Variants in ZEB1 observed in about 807,000 individuals in gnomAD.
ZEB1 encodes zinc finger E-box binding homeobox 1.
ZEB1 carries 21 observed loss-of-function variants against 84.9 expected under a neutral mutation model. That is an observed-to-expected ratio of 0.25 (90% CI 0.18 to 0.36). The LOEUF is 0.36. ZEB1 is among the 10% of genes least tolerant of loss of function. The pLI is 1.00. For missense variants in ZEB1, 1,104 were observed against 1,330.2 expected (o/e 0.83, Z 2.65); for synonymous variants, 420 against 471.1 (o/e 0.89, Z 1.41).
At chr10:31,405,214 T>C (rs1424531346) in intron 1 of ZEB1, among the ~76,000 whole-genome samples, 4 of 152,078 alleles carry the variant, frequency 2.6e-5, no homozygotes, top group African/African-American at 9.7e-5. Context: ...TTGAAAGCAG[T>C]TGTGTGTGTA....
At chr10:31,464,232 A>T (rs528852150) in intron 2 of ZEB1, among the ~76,000 whole-genome samples, 1 of 152,304 alleles carries the variant, frequency 6.6e-6, no homozygotes, top group African/African-American at 2.4e-5. Flanking sequence ...AGGTGCCTGT[A>T]GTCCCAGCTA....
intron 2 of ZEB1, among the ~76,000 whole-genome samples, chr10:31,488,572 C>T (rs2066058689): frequency 6.7e-6 from 1 of 149,214 alleles, no homozygotes; most frequent in African/African-American, 2.5e-5. Flanking sequence ...TTTCTGCTTG[C>T]TTTGGGTTTA....
At chr10:31,400,167 C>T (rs1284318864) in intron 1 of ZEB1, among the ~76,000 whole-genome samples, 2 of 152,092 alleles carry the variant, frequency 1.3e-5, no homozygotes, top group Non-Finnish European at 2.9e-5. Flanking sequence ...TTTTGCCTTC[C>T]TCCACTAGAA....
chr10:31,419,930 T>C (rs557572676), intron 1 of ZEB1, among the ~76,000 whole-genome samples: 14 of 152,132 alleles, frequency 9.2e-5, no homozygotes, highest in Admixed American at 2.0e-4. Context: ...ACCTCCGAAG[T>C]AGTATGTCTG....
chr10:31,491,551 G>A (rs1207922094), intron 2 of ZEB1, among the ~76,000 whole-genome samples: 1 of 151,748 alleles, frequency 6.6e-6, no homozygotes, highest in Non-Finnish European at 1.5e-5. Context: ...TCCAGGCCAG[G>A]GGTACCTTTT....
intron 8 of ZEB1, among the ~76,000 whole-genome samples, chr10:31,526,436 A>G (rs933666803): frequency 2.0e-5 from 3 of 152,182 alleles, no homozygotes; most frequent in Non-Finnish European, 2.9e-5. Context: ...TTTCAATGTC[A>G]TGTAGCTCCC....
At chr10:31,339,036 AG>A (rs2038832041) in intron 1 of ZEB1, among the ~76,000 whole-genome samples, 1 of 152,182 alleles carries the variant, frequency 6.6e-6, no homozygotes, top group African/African-American at 2.4e-5. Flanking sequence ...AGTAGTCTAA[AG>A]TGAGGCACCA....
chr10:31,366,879 T>G (rs2044608687), intron 1 of ZEB1, among the ~76,000 whole-genome samples: 1 of 152,162 alleles, frequency 6.6e-6, no homozygotes, highest in South Asian at 2.1e-4. Context: ...ATTTTCCCAG[T>G]GCGATTCCAG....
intron 1 of ZEB1, among the ~76,000 whole-genome samples, chr10:31,452,983 T>G (rs2060789794): frequency 6.6e-6 from 1 of 152,146 alleles, no homozygotes; most frequent in Non-Finnish European, 1.5e-5. Flanking sequence ...ATTTTTCTAG[T>G]TATTTCTTAA....
At position 31,487,141 on chromosome 10, in the gene ZEB1, C is replaced by T. The variant is rs906825218; in HGVS notation, c.260-8635C>T. Among the ~76,000 whole-genome samples, 21 of 151,404 alleles carry T rather than the reference C, an allele frequency of 1.4e-4. 1 individual carries two copies. The highest frequency in any genetic ancestry group is 9.9e-4 in the Admixed American group (15 of 15,152). The stretch of plus-strand genomic sequence containing the variant: ...TACATCCATCCTTTTGCCAATACCA[C>T]GTAATCCTGATTACTGTAGCTTGAT... On this transcript the variant is annotated intron_variant, in intron 2 of 8. Transcript: ENST00000424869.
At chr10:31,321,409 G>A (rs2034008747) in intron 1 of ZEB1, 15 of 1,607,504 alleles carry the variant, frequency 9.3e-6, no homozygotes, top group Non-Finnish European at 1.3e-5. Flanking sequence ...ATTGTGGAGA[G>A]ATGACTTGTT....
chr10:31,492,483 G>A (rs1394999836), intron 2 of ZEB1, among the ~76,000 whole-genome samples: 2 of 151,704 alleles, frequency 1.3e-5, no homozygotes, highest in Admixed American at 6.6e-5. Context: ...CATTTATAAC[G>A]GGGTTTATCA....
chr10:31,517,719 T>C (rs1311504758), intron 6 of ZEB1, among the ~76,000 whole-genome samples: 1 of 152,170 alleles, frequency 6.6e-6, no homozygotes, highest in South Asian at 2.1e-4. Context: ...GTGTAAACTT[T>C]CTTTCTGGCA....
At chr10:31,404,254 TAC>T (rs1196723233) in intron 1 of ZEB1, among the ~76,000 whole-genome samples, 1 of 152,044 alleles carries the variant, frequency 6.6e-6, no homozygotes, top group Non-Finnish European at 1.5e-5. Flanking sequence ...TGTGCTCTAT[TAC>T]AGTGATTCTT....
chr10:31,502,603 A>G lies in ZEB1; in HGVS notation c.484+94A>G. ...GGGAACCTGCTCTACTATAGGGAAC[A>G]TTCTTGAAGACCAAACTTTATTACA... On this transcript the variant is annotated intron_variant, in intron 4 of 8. Transcript: ENST00000424869. The G allele has an allele frequency of 3.3e-6, 5 of 1,530,750 alleles. No individual in the cohort carries two copies. In the South Asian group the frequency reaches 5.7e-5, roughly 17 times the overall value. 94.8% of individuals were successfully genotyped at this position (1,530,750 alleles called of 1,614,324 possible).
intron 1 of ZEB1, among the ~76,000 whole-genome samples, chr10:31,411,130 C>T (rs2054160227): frequency 6.6e-6 from 1 of 152,166 alleles, no homozygotes; most frequent in African/African-American, 2.4e-5. Flanking sequence ...AAACACTCCT[C>T]AGCAAATGCA....
intron 2 of ZEB1, among the ~76,000 whole-genome samples, chr10:31,478,377 G>A (rs1187423850): frequency 6.6e-6 from 1 of 151,822 alleles, no homozygotes; most frequent in Non-Finnish European, 1.5e-5. Flanking sequence ...GATGCAGAGA[G>A]AAGGGTATTC....
intron 2 of ZEB1, among the ~76,000 whole-genome samples, chr10:31,464,362 A>G (rs2062143791): frequency 6.6e-6 from 1 of 152,126 alleles, no homozygotes; most frequent in Non-Finnish European, 1.5e-5. Context: ...CAGAAAAAAA[A>G]GAAAAAAGAA....
intron 6 of ZEB1, 62 bp downstream of exon 6, chr10:31,514,770 T>C: frequency 7.6e-7 from 1 of 1,324,344 alleles, no homozygotes; most frequent in South Asian, 1.2e-5. Context: ...TAAATAAATA[T>C]CATAACATGT....
Sources: gnomAD v4.1 joint callset for allele counts (sites outside exome capture counted in the v4.1 genomes callset) on GRCh38, gnomAD v4.1.1 for gene constraint, MANE v1.5 for transcripts, NCBI Gene and HGNC (gene_info 2026-07-23, HGNC 2026-07-21) for gene names.